PPEF1: variants seen among roughly 807,000 people sequenced by gnomAD.
PPEF1 encodes protein phosphatase with EF-hand domain 1.
In PPEF1, 12 loss-of-function variants were observed where a neutral mutation model predicts 53.3. The ratio of observed to expected loss-of-function variants is 0.23; its 90% CI spans 0.14 to 0.36. The LOEUF is 0.36. Among genes scored for constraint, PPEF1 ranks in the 10% least tolerant of loss-of-function variants. PPEF1 has a pLI of 1.00. For synonymous variants in PPEF1, 165 were observed against 176.7 expected, an observed-to-expected ratio of 0.93 and a Z score of 0.52; for missense variants, 334 against 490.4, an observed-to-expected ratio of 0.68 and a Z score of 3.01.
In PPEF1 at chrX:18,720,497, C is replaced by T. The variant is rs139784474; in HGVS notation, c.47-9684C>T. 3.6e-3 allele frequency among the ~76,000 whole-genome samples: 397 copies of T among 110,585 alleles called. 3 individuals are homozygous for T. The highest frequency in any genetic ancestry group is 0.012 in the African/African-American group (367 of 30,329). ...GTCTCAGCTACTCGGGAAGCTGAAA[C>T]AGGAGAATTGCTTGAACCTGGGAGG... On this transcript the variant is annotated intron_variant, in intron 1 of 15. Coordinates refer to ENST00000470157, the MANE Select transcript of PPEF1 (RefSeq NM_001377996.1).
intron 3 of PPEF1, among the ~76,000 whole-genome samples, chrX:18,690,740 A>G (rs1156709983): frequency 8.9e-6 from 1 of 112,598 alleles, no homozygotes; most frequent in Non-Finnish European, 1.9e-5. Flanking sequence ...GTTCATGAAC[A>G]CAAAAATAGT....
intron 1 of PPEF1, among the ~76,000 whole-genome samples, chrX:18,714,872 G>A (rs1171553921): frequency 1.8e-5 from 2 of 111,942 alleles, no homozygotes; most frequent in Non-Finnish European, 3.8e-5. Flanking sequence ...TGCCTCAAGG[G>A]AACACAGCAA....
chrX:18,776,874 C>T (rs1385503294), intron 6 of PPEF1, among the ~76,000 whole-genome samples: 2 of 111,719 alleles, frequency 1.8e-5, no homozygotes, highest in East Asian at 2.8e-4. Flanking sequence ...GAGCTGAGAT[C>T]GCGCCATTGC....
chrX:18,729,974 G>A (rs1489992933), intron 1 of PPEF1, among the ~76,000 whole-genome samples: 2 of 112,008 alleles, frequency 1.8e-5, no homozygotes, highest in African/African-American at 6.5e-5. Flanking sequence ...GTTCCTAATG[G>A]CTGTGCCATC....
intron 13 of PPEF1, among the ~76,000 whole-genome samples, chrX:18,820,942 G>A (rs983213126): frequency 2.7e-5 from 3 of 109,984 alleles, no homozygotes; most frequent in Non-Finnish European, 3.8e-5. Context: ...CCTTGGCTCC[G>A]GCCAGACGTG....
chrX:18,792,888 C>A (rs1056431863), intron 10 of PPEF1, among the ~76,000 whole-genome samples: 2 of 111,362 alleles, frequency 1.8e-5, no homozygotes, highest in Non-Finnish European at 1.9e-5. Flanking sequence ...CCATTGGTTA[C>A]TTGGGGTACA....
At chrX:18,745,729 A>G (rs2045317215) in intron 3 of PPEF1, among the ~76,000 whole-genome samples, 1 of 111,865 alleles carries the variant, frequency 8.9e-6, no homozygotes, top group Non-Finnish European at 1.9e-5. Context: ...AAATTTATAA[A>G]GCGATGTTAA....
At chrX:18,822,542 T>G (rs928633938) in intron 13 of PPEF1, among the ~76,000 whole-genome samples, 47 of 108,351 alleles carry the variant, frequency 4.3e-4, no homozygotes, top group Non-Finnish European at 8.4e-4. Context: ...GGAGTCTTGC[T>G]CTGTCGCCCA....
chrX:18,811,620 T>A (rs1357348102), intron 12 of PPEF1, among the ~76,000 whole-genome samples: 7 of 25,896 alleles, frequency 2.7e-4, no homozygotes, highest in African/African-American at 1.3e-3. Flanking sequence ...TATATATTTT[T>A]TTTTTTTTTT....
intron 10 of PPEF1, among the ~76,000 whole-genome samples, chrX:18,798,790 A>G (rs2046484406): frequency 9.0e-6 from 1 of 111,130 alleles, no homozygotes; most frequent in Non-Finnish European, 1.9e-5. Context: ...CGTCCGGCTA[A>G]TTTTTGTAGT....
Position 18,789,210 on chromosome X carries a change from A to G in PPEF1, c.1002A>G (p.Ala334=), listed in dbSNP as rs912746695. Residue 334 remains alanine (A), a synonymous_variant, in exon 10 of 16, where the codon GCA becomes GCG. Coordinates refer to ENST00000470157, the MANE Select transcript of PPEF1 (RefSeq NM_001377996.1). ...KHNKVGVTFN[A]HGRIKTNGSP... ...ATAAAGTAGGTGTGACTTTTAATGCACATGGAAGAATCAAAACAAATGGAT... is the reference window on the plus strand; with the variant it reads ...ATAAAGTAGGTGTGACTTTTAATGCGCATGGAAGAATCAAAACAAATGGAT... 2 of 1,209,257 alleles carry G rather than the reference A, an allele frequency of 1.7e-6. No homozygotes were observed. Among genetic ancestry groups the G allele is most frequent in the Non-Finnish European group, 2.2e-6 (2 of 893,984 alleles).
At chrX:18,718,091 T>A (rs2044499285) in intron 1 of PPEF1, among the ~76,000 whole-genome samples, 2 of 112,211 alleles carry the variant, frequency 1.8e-5, no homozygotes, top group African/African-American at 3.2e-5. Flanking sequence ...ACACATTTAA[T>A]GCCTGTATGA....
At chrX:18,694,189 G>A (rs1253459106) in intron 4 of PPEF1, among the ~76,000 whole-genome samples, 1 of 111,859 alleles carries the variant, frequency 8.9e-6, no homozygotes, top group Non-Finnish European at 1.9e-5. Context: ...CCCACAGTTT[G>A]TGGGACACTC....
intron 8 of PPEF1, among the ~76,000 whole-genome samples, 174 bp from the exon 9 acceptor site, chrX:18,783,725 A>AC (rs1470615415): frequency 1.8e-5 from 2 of 110,601 alleles, no homozygotes. Context: ...CAAAAAAAAA[A>AC]CAAAAACAAA....
chrX:18,710,726 G>A (rs920277729), intron 1 of PPEF1, among the ~76,000 whole-genome samples: 1 of 111,458 alleles, frequency 9.0e-6, no homozygotes, highest in African/African-American at 3.3e-5. Context: ...TATCACTGCT[G>A]GTGGGAATGT....
At chrX:18,801,808 C>T (rs1157376165) in intron 10 of PPEF1, among the ~76,000 whole-genome samples, 4 of 109,606 alleles carry the variant, frequency 3.6e-5, no homozygotes, top group African/African-American at 1.3e-4. Context: ...CACGGTAAAA[C>T]CCTGTCTCTA....
intron 15 of PPEF1, among the ~76,000 whole-genome samples, 158 bp from the exon 16 acceptor site, chrX:18,827,118 C>T (rs774247080): frequency 7.3e-4 from 82 of 112,293 alleles, no homozygotes; most frequent in African/African-American, 2.6e-3. Context: ...TTGTTTCTTA[C>T]ATTTATGATC....
chrX:18,740,578 T>A (rs1489647236), intron 3 of PPEF1, among the ~76,000 whole-genome samples: 1 of 109,940 alleles, frequency 9.1e-6, no homozygotes, highest in Non-Finnish European at 1.9e-5. Flanking sequence ...CCCAGCTAAT[T>A]TTTTGTATTT....
intron 1 of PPEF1, among the ~76,000 whole-genome samples, chrX:18,677,386 C>G: frequency 8.9e-6 from 1 of 111,821 alleles, no homozygotes; most frequent in East Asian, 2.8e-4. Context: ...GCTTGTTTGC[C>G]CTTTCATTTC....
Sources: allele counts gnomAD v4.1 joint callset (sites outside exome capture counted in the v4.1 genomes callset), GRCh38; gene constraint gnomAD v4.1.1; transcripts MANE v1.5; gene names NCBI Gene and HGNC (gene_info 2026-07-23, HGNC 2026-07-21).